ADGRB3: variants seen among roughly 807,000 people sequenced by gnomAD.
The protein encoded by ADGRB3 is adhesion G protein-coupled receptor B3, also known as brain-specific angiogenesis inhibitor 3.
ADGRB3 carries 37 observed loss-of-function variants against 193.4 expected under a neutral mutation model. The observed-to-expected ratio is 0.19, with a 90% CI of 0.15 to 0.25. The LOEUF (loss-of-function observed/expected upper bound fraction) is 0.25, where lower values mean the gene tolerates loss of function less well. Ranked by LOEUF, ADGRB3 falls within the 10% of genes least tolerant of loss-of-function variation. The pLI is 1.00. For missense variants in ADGRB3, 1,637 were observed against 1,852.9 expected (o/e 0.88, Z 2.14); for synonymous variants, 690 against 644.2 (o/e 1.07, Z -1.08).
chr6:68,680,061 G>T (rs543294953), intron 3 of ADGRB3, among the ~76,000 whole-genome samples: 1 of 152,254 alleles, frequency 6.6e-6, no homozygotes, highest in South Asian at 2.1e-4. Context: ...TGAGGACATA[G>T]TGAGAAGGTG....
chr6:69,285,514 T>C (rs1371561394), intron 20 of ADGRB3, among the ~76,000 whole-genome samples: 1 of 151,802 alleles, frequency 6.6e-6, no homozygotes, highest in Non-Finnish European at 1.5e-5. Flanking sequence ...CTACTAAAAA[T>C]ACAAAAATTA....
intron 3 of ADGRB3, among the ~76,000 whole-genome samples, chr6:68,844,253 G>T (rs1768227921): frequency 6.6e-6 from 1 of 151,482 alleles, no homozygotes; most frequent in South Asian, 2.1e-4. Flanking sequence ...ATGAAAAAAA[G>T]AAAAATATTT....
intron 19 of ADGRB3, among the ~76,000 whole-genome samples, chr6:69,238,820 TAA>T (rs1159483544): frequency 6.6e-6 from 1 of 151,404 alleles, no homozygotes; most frequent in East Asian, 1.9e-4. Flanking sequence ...TATGTTTAGT[TAA>T]AAAAAAGTGT....
intron 3 of ADGRB3, among the ~76,000 whole-genome samples, chr6:68,730,778 G>A (rs1229639749): frequency 6.6e-6 from 1 of 151,632 alleles, no homozygotes; most frequent in East Asian, 1.9e-4. Flanking sequence ...GTTTAAATGA[G>A]ACTTTTAAAT....
intron 20 of ADGRB3, among the ~76,000 whole-genome samples, chr6:69,271,442 A>G (rs1322990615): frequency 6.6e-6 from 1 of 152,290 alleles, no homozygotes; most frequent in South Asian, 2.1e-4. Flanking sequence ...GATTAATCCA[A>G]TATTGATACA....
chr6:69,172,547 G>A (rs568012564), intron 17 of ADGRB3, among the ~76,000 whole-genome samples: 60 of 149,092 alleles, frequency 4.0e-4, no homozygotes, highest in African/African-American at 1.4e-3. Flanking sequence ...GGGAGGCTGA[G>A]GCAGAAGAAT....
Position 69,072,657 on chromosome 6 carries a change from A to G in ADGRB3, c.2437-3338A>G, listed in dbSNP as rs145383459. Among the ~76,000 whole-genome samples, 1,219 of 152,260 alleles carry G rather than the reference A, an allele frequency of 8.0e-3. 16 individuals are homozygous for G. Among genetic ancestry groups the G allele is most frequent in the African/African-American group, 0.028 (1,165 of 41,546 alleles). On this transcript the variant is annotated intron_variant, in intron 16 of 31. Coordinates refer to ENST00000370598, the MANE Select transcript of ADGRB3 (RefSeq NM_001704.3). ...CATTATACATCATTAAAATCAGCCA[A>G]TTAGATTTAATGGATCTGTTATCTC...
chr6:68,850,678 C>T lies in ADGRB3; in HGVS notation c.758-79881C>T, dbSNP rs190457041. Reference sequence around the variant, plus strand: ...GTTTGTTGAGTCTCTACTTCACAGACATGAATTATTGTTATGCTGTATTAC... The same window carrying T: ...GTTTGTTGAGTCTCTACTTCACAGATATGAATTATTGTTATGCTGTATTAC... On this transcript the variant is annotated intron_variant, in intron 3 of 31. Coordinates refer to ENST00000370598, the MANE Select transcript of ADGRB3 (RefSeq NM_001704.3). 2.2e-3 allele frequency among the ~76,000 whole-genome samples: 340 copies of T among 152,118 alleles called. 3 individuals carry two copies. The highest frequency in any genetic ancestry group is 7.7e-3 in the African/African-American group (319 of 41,570).
At chr6:68,947,405 T>G (rs1200148000) in intron 6 of ADGRB3, among the ~76,000 whole-genome samples, 1 of 152,150 alleles carries the variant, frequency 6.6e-6, no homozygotes, top group Non-Finnish European at 1.5e-5. Flanking sequence ...TATTTGAGGA[T>G]AAATAAATTT....
At chr6:69,296,682 A>G (rs1300845549) in intron 20 of ADGRB3, among the ~76,000 whole-genome samples, 2 of 152,124 alleles carry the variant, frequency 1.3e-5, no homozygotes, top group African/African-American at 4.8e-5. Flanking sequence ...CTTACTTACC[A>G]AGCTTTTATT....
In ADGRB3 at chr6:68,993,968, G is replaced by A; in HGVS notation, c.1929+6G>A. The A allele has an allele frequency of 6.2e-7, 1 of 1,611,102 alleles. No individual in the cohort carries two copies. Among genetic ancestry groups the A allele is most frequent in the Non-Finnish European group, 8.5e-7 (1 of 1,177,810 alleles). ...CTGCATCTGATGGTGTCCAGGTAAG[G>A]GAGACAAGTTCGTGAAGGAAAGGGC... is the stretch of plus-strand genomic sequence containing the variant. On this transcript the variant is annotated splice_donor_region_variant and intron_variant, in intron 11 of 31. Coordinates refer to ENST00000370598, the MANE Select transcript of ADGRB3 (RefSeq NM_001704.3).
At chr6:69,275,245 C>G (rs1561973908) in intron 20 of ADGRB3, among the ~76,000 whole-genome samples, 1 of 152,018 alleles carries the variant, frequency 6.6e-6, no homozygotes, top group Non-Finnish European at 1.5e-5. Flanking sequence ...ATTTAAAATT[C>G]AAAGGTACTT....
intron 11 of ADGRB3, among the ~76,000 whole-genome samples, chr6:69,000,131 A>G (rs967862172): frequency 5.9e-5 from 9 of 152,204 alleles, no homozygotes; most frequent in Admixed American, 5.2e-4. Context: ...CTGTCCAGCT[A>G]TCTTAGTATC....
chr6:69,178,913 C>G (rs1457571038), intron 17 of ADGRB3, among the ~76,000 whole-genome samples: 1 of 152,118 alleles, frequency 6.6e-6, no homozygotes, highest in Non-Finnish European at 1.5e-5. Context: ...AGCCTGGTGA[C>G]TATATCCTTT....
chr6:69,088,101 T>C (rs1772600424), intron 17 of ADGRB3, among the ~76,000 whole-genome samples: 1 of 152,184 alleles, frequency 6.6e-6, no homozygotes, highest in Non-Finnish European at 1.5e-5. Flanking sequence ...ATCCTTCCTA[T>C]ATGATCCATT....
intron 13 of ADGRB3, among the ~76,000 whole-genome samples, chr6:69,036,652 A>C (rs1379717952): frequency 6.6e-6 from 1 of 152,192 alleles, no homozygotes; most frequent in East Asian, 1.9e-4. Context: ...GGACAGACCA[A>C]GCTAAGGAAA....
chr6:69,291,069 A>G (rs1767655176), intron 20 of ADGRB3, among the ~76,000 whole-genome samples: 1 of 152,164 alleles, frequency 6.6e-6, no homozygotes, highest in Non-Finnish European at 1.5e-5. Context: ...AAAACTGGAA[A>G]TGGGTTTCTA....
At chr6:69,106,232 A>G (rs151064172) in intron 17 of ADGRB3, among the ~76,000 whole-genome samples, 1 of 149,964 alleles carries the variant, frequency 6.7e-6, no homozygotes, top group Admixed American at 6.6e-5. Flanking sequence ...TAAATTTGTT[A>G]TGTTATTTTA....
intron 17 of ADGRB3, among the ~76,000 whole-genome samples, chr6:69,142,672 G>C (rs187794567): frequency 1.4e-4 from 21 of 152,260 alleles, no homozygotes; most frequent in African/African-American, 4.8e-4. Flanking sequence ...TGGGCAACCC[G>C]CTGATTAGTC....
Sources: allele counts gnomAD v4.1 joint callset (sites outside exome capture counted in the v4.1 genomes callset), GRCh38; gene constraint gnomAD v4.1.1; transcripts MANE v1.5; gene names NCBI Gene and HGNC (gene_info 2026-07-23, HGNC 2026-07-21).